The following DCC variants were observed in gnomAD, a reference collection of about 807,000 sequenced individuals.
DCC encodes netrin receptor DCC.
In DCC, 58 loss-of-function variants were observed where a neutral mutation model predicts 172.5. That is an observed-to-expected ratio of 0.34 (90% CI 0.27 to 0.42). The LOEUF is 0.42. Among genes scored for constraint, DCC ranks in the 10% least tolerant of loss-of-function variants. The pLI is 1.00. For missense variants in DCC, 1,740 were observed against 1,791.0 expected, an observed-to-expected ratio of 0.97 and a Z score of 0.51; for synonymous variants, 709 against 644.5, an observed-to-expected ratio of 1.10 and a Z score of -1.52.
chr18:53,047,430 T>C (rs1451110579), intron 5 of DCC, among the ~76,000 whole-genome samples: 1 of 49,278 alleles, frequency 2.0e-5, no homozygotes, highest in African/African-American at 1.1e-4. Context: ...ATATTTTACA[T>C]ATATATATAT....
At chr18:53,132,230 A>T (rs766521175) in intron 7 of DCC, among the ~76,000 whole-genome samples, 1 of 152,044 alleles carries the variant, frequency 6.6e-6, no homozygotes, top group African/African-American at 2.4e-5. Context: ...TGCTGATAAG[A>T]AAAACATCCC....
intron 2 of DCC, among the ~76,000 whole-genome samples, chr18:52,862,095 A>T (rs890547942): frequency 4.6e-5 from 7 of 152,066 alleles, no homozygotes; most frequent in Admixed American, 1.3e-4. Context: ...ACACATTAAT[A>T]ACATGTTTAT....
At chr18:52,450,073 A>G (rs780698601) in intron 1 of DCC, among the ~76,000 whole-genome samples, 4 of 152,216 alleles carry the variant, frequency 2.6e-5, no homozygotes, top group Non-Finnish European at 5.9e-5. Context: ...ACTATTATGG[A>G]AGACAGAATA....
intron 5 of DCC, among the ~76,000 whole-genome samples, chr18:53,048,220 G>A (rs769030525): frequency 6.6e-6 from 1 of 151,434 alleles, no homozygotes; most frequent in Non-Finnish European, 1.5e-5. Context: ...CATCACCCAG[G>A]TTATAAGGAC....
At chr18:52,400,908 A>G (rs1256813089) in intron 1 of DCC, among the ~76,000 whole-genome samples, 1 of 151,916 alleles carries the variant, frequency 6.6e-6, no homozygotes, top group Non-Finnish European at 1.5e-5. Context: ...ACACATGGAC[A>G]TAGGGAGGGG....
At chr18:53,445,820 A>G (rs1912560218) in intron 22 of DCC, among the ~76,000 whole-genome samples, 1 of 152,096 alleles carries the variant, frequency 6.6e-6, no homozygotes, top group Admixed American at 6.5e-5. Context: ...ATGGTAAAAA[A>G]TGTGACACCC....
intron 23 of DCC, among the ~76,000 whole-genome samples, chr18:53,455,004 T>G (rs2045466377): frequency 6.6e-6 from 1 of 152,192 alleles, no homozygotes; most frequent in Non-Finnish European, 1.5e-5. Flanking sequence ...CTGCTATTAA[T>G]CAAAATGGAC....
At chr18:53,111,166 G>T (rs760603998) in intron 7 of DCC, among the ~76,000 whole-genome samples, 1 of 147,954 alleles carries the variant, frequency 6.8e-6, no homozygotes, top group African/African-American at 2.5e-5. Context: ...ACCAAACATC[G>T]CATGTTCTCG....
chr18:53,107,212 A>C (rs1598808511), intron 7 of DCC, among the ~76,000 whole-genome samples: 1 of 151,852 alleles, frequency 6.6e-6, no homozygotes, highest in East Asian at 1.9e-4. Flanking sequence ...TAAATGTAGA[A>C]GAAAAAGTCT....
At chr18:53,369,211 T>G (rs1027529896) in intron 15 of DCC, among the ~76,000 whole-genome samples, 2 of 151,978 alleles carry the variant, frequency 1.3e-5, no homozygotes, top group African/African-American at 4.8e-5. Context: ...TTGAATGCTT[T>G]TTGTAATTTC....
intron 5 of DCC, among the ~76,000 whole-genome samples, chr18:52,972,792 A>G (rs1187178430): frequency 2.6e-5 from 4 of 152,200 alleles, no homozygotes; most frequent in Non-Finnish European, 5.9e-5. Context: ...AAGAGAAGAC[A>G]TACTATTTAT....
chr18:52,394,729 A>G (rs1360504752), intron 1 of DCC, among the ~76,000 whole-genome samples: 1 of 152,080 alleles, frequency 6.6e-6, no homozygotes, highest in Non-Finnish European at 1.5e-5. Flanking sequence ...GGCTTAGTCA[A>G]ATTGATACTG....
chr18:53,345,858 T>G (rs12963080), intron 15 of DCC, among the ~76,000 whole-genome samples: 16,250 of 152,118 alleles, frequency 0.11, 952 homozygotes, highest in Middle Eastern at 0.19. Context: ...TTTAGACCAT[T>G]GCAATTTAAT....
At chr18:52,568,939 T>C (rs1324540358) in intron 1 of DCC, among the ~76,000 whole-genome samples, 1 of 152,222 alleles carries the variant, frequency 6.6e-6, no homozygotes, top group Non-Finnish European at 1.5e-5. Context: ...AATACTATGA[T>C]TTAAAAATAT....
At chr18:52,806,526 A>C (rs558081774) in intron 2 of DCC, among the ~76,000 whole-genome samples, 45 of 152,338 alleles carry the variant, frequency 3.0e-4, no homozygotes, top group Non-Finnish European at 5.4e-4. Flanking sequence ...TGGCCATGAA[A>C]TTGAGAAGCA....
chr18:52,920,891 T>A (rs986680172), intron 3 of DCC, among the ~76,000 whole-genome samples: 2 of 152,114 alleles, frequency 1.3e-5, no homozygotes, highest in Non-Finnish European at 2.9e-5. Flanking sequence ...GAATCTTAAA[T>A]GTATATTGCT....
At chr18:52,886,625 A>AG (rs202021275) in intron 2 of DCC, among the ~76,000 whole-genome samples, 3,180 of 152,012 alleles carry the variant, frequency 0.021, 59 homozygotes, top group Admixed American at 0.04. Flanking sequence ...CTATTGGAGG[A>AG]GGGGGGTCAG....
chr18:53,504,445 C>T (rs932058718), intron 27 of DCC, among the ~76,000 whole-genome samples: 2 of 152,190 alleles, frequency 1.3e-5, no homozygotes, highest in Admixed American at 1.3e-4. Context: ...GAAGCCAATA[C>T]TTCCAATCAA....
intron 1 of DCC, among the ~76,000 whole-genome samples, chr18:52,400,633 A>G (rs1371934106): frequency 6.6e-6 from 1 of 152,104 alleles, no homozygotes; most frequent in Non-Finnish European, 1.5e-5. Context: ...TACTATAAAG[A>G]CACATGAACA....
Sources: gnomAD v4.1 joint callset for allele counts (sites outside exome capture counted in the v4.1 genomes callset) on GRCh38, gnomAD v4.1.1 for gene constraint, MANE v1.5 for transcripts, NCBI Gene and HGNC (gene_info 2026-07-23, HGNC 2026-07-21) for gene names.